The following ADAM18 variants were observed in gnomAD, a reference collection of about 807,000 sequenced individuals.
ADAM18 encodes the protein ADAM metallopeptidase domain 18, also known as disintegrin and metalloproteinase domain-containing protein 18.
In ADAM18, 117 loss-of-function variants were observed where a neutral mutation model predicts 94.4. The observed-to-expected ratio is 1.24, with a 90% CI of 1.07 to 1.45. The LOEUF (loss-of-function observed/expected upper bound fraction) is 1.45. ADAM18 is among the 40% of genes most tolerant of loss of function. The pLI, the probability that ADAM18 is intolerant of heterozygous loss-of-function variation, is 0.00. For synonymous variants in ADAM18, 327 were observed against 291.6 expected (o/e 1.12, Z -1.24); for missense variants, 936 against 880.0 (o/e 1.06, Z -0.81).
At chr8:39,690,083 G>T (rs112279518) in intron 16 of ADAM18, among the ~76,000 whole-genome samples, 4 of 152,190 alleles carry the variant, frequency 2.6e-5, no homozygotes, top group African/African-American at 7.2e-5. Flanking sequence ...TGCTGAAGTT[G>T]TTTATCAGCT....
chr8:39,673,449 T>C (rs1218612406), intron 14 of ADAM18, among the ~76,000 whole-genome samples: 1 of 152,150 alleles, frequency 6.6e-6, no homozygotes, highest in Non-Finnish European at 1.5e-5. Context: ...GTATTTCTCC[T>C]AATGCTATCC....
chr8:39,619,294 T>C lies in ADAM18; in HGVS notation c.522+8588T>C, dbSNP rs888815553. Among the ~76,000 whole-genome samples, 92 of 152,312 alleles carry C rather than the reference T, an allele frequency of 6.0e-4. 1 individual carries two copies. The highest frequency in any genetic ancestry group is 2.1e-3 in the African/African-American group (86 of 41,576). ...AAATCAACAAAGAAATACCACGTTT[T>C]AACTCTACTCAAGATAAAAGCGACC... On this transcript the variant is annotated intron_variant, in intron 6 of 19. Coordinates refer to ENST00000265707, the MANE Select transcript of ADAM18 (RefSeq NM_014237.3).
intron 2 of ADAM18, among the ~76,000 whole-genome samples, chr8:39,587,160 C>T (rs1371143274): frequency 2.0e-5 from 3 of 152,166 alleles, no homozygotes; most frequent in South Asian, 2.1e-4. Context: ...TGACCACAGT[C>T]GATGTACTAA....
Position 39,637,569 on chromosome 8 carries a change from G to A in ADAM18, c.693G>A (p.Leu231=). The part of the protein sequence containing the change: ...MFTQFKLTVI[L]SSLELWSNEN... ...CCCAGTTCAAATTGACTGTTATACT[G>A]TCTTCCTTGGAATTGTGGTCAAATG... is the stretch of plus-strand genomic sequence containing the variant. Residue 231 remains leucine, a synonymous_variant, in exon 9 of 20, where the codon CTG becomes CTA. Coordinates refer to ENST00000265707, the MANE Select transcript of ADAM18 (RefSeq NM_014237.3). 2 of 1,612,218 alleles carry A rather than the reference G, an allele frequency of 1.2e-6. No homozygotes were observed. The highest frequency in any genetic ancestry group is 1.7e-6 in the Non-Finnish European group (2 of 1,179,028).
intron 2 of ADAM18, among the ~76,000 whole-genome samples, chr8:39,602,541 T>C (rs1209521640): frequency 6.6e-6 from 1 of 152,182 alleles, no homozygotes; most frequent in Non-Finnish European, 1.5e-5. Flanking sequence ...CTTCTTGACC[T>C]TCAATCTCTT....
At chr8:39,637,143 TCTC>T (rs1193875534) in intron 7 of ADAM18, 118 bp from the exon 8 acceptor site, 7 of 607,258 alleles carry the variant, frequency 1.2e-5, no homozygotes, top group Non-Finnish European at 1.8e-5. Context: ...CTGCACACAT[TCTC>T]CTATGTACTT....
intron 6 of ADAM18, among the ~76,000 whole-genome samples, chr8:39,615,892 A>G (rs1162415491): frequency 1.3e-5 from 2 of 152,222 alleles, no homozygotes; most frequent in African/African-American, 4.8e-5. Context: ...AAAAAAAATA[A>G]GTAGCACTTG....
chr8:39,618,725 G>C (rs958837340), intron 6 of ADAM18, among the ~76,000 whole-genome samples: 4 of 152,096 alleles, frequency 2.6e-5, no homozygotes, highest in African/African-American at 9.7e-5. Flanking sequence ...ATGGACAGGT[G>C]CCCCCCATGT....
In ADAM18 at chr8:39,684,276, T is replaced by TTTTA. The variant is rs536278073; in HGVS notation, c.1821+4073_1821+4076dup. Among the ~76,000 whole-genome samples the TTTTA allele has an allele frequency of 3.0e-3, 451 of 152,098 alleles. 5 individuals carry two copies. The highest frequency in any genetic ancestry group is 9.8e-3 in the South Asian group (47 of 4,800). On this transcript the variant is annotated intron_variant, in intron 16 of 19. Coordinates refer to ENST00000265707, the MANE Select transcript of ADAM18 (RefSeq NM_014237.3). ...TAACTTCCAAAATTTTTTCCCAATC[T>TTTTA]TTTATTTATTTATTTATTTATTTAT...
intron 2 of ADAM18, among the ~76,000 whole-genome samples, chr8:39,591,421 T>C (rs1229196302): frequency 1.3e-5 from 2 of 152,214 alleles, no homozygotes; most frequent in Non-Finnish European, 2.9e-5. Context: ...TTTTGTAAAC[T>C]CTTTTTTTGT....
At chr8:39,664,593 A>G (rs534989356) in intron 13 of ADAM18, among the ~76,000 whole-genome samples, 2 of 152,320 alleles carry the variant, frequency 1.3e-5, no homozygotes, top group Non-Finnish European at 2.9e-5. Context: ...CAAATAAATT[A>G]TAAAGTCAAA....
intron 19 of ADAM18, among the ~76,000 whole-genome samples, chr8:39,726,843 TTTTA>T (rs1822928291): frequency 6.6e-6 from 1 of 152,246 alleles, no homozygotes; most frequent in East Asian, 1.9e-4. Flanking sequence ...CTCCCATAAA[TTTTA>T]TTTGACAACC....
intron 19 of ADAM18, among the ~76,000 whole-genome samples, chr8:39,725,102 T>G (rs1822865519): frequency 6.6e-6 from 1 of 152,070 alleles, no homozygotes; most frequent in African/African-American, 2.4e-5. Flanking sequence ...TCAAGGTGGT[T>G]GATGGTATCG....
intron 17 of ADAM18, among the ~76,000 whole-genome samples, chr8:39,705,872 A>T (rs1160883397): frequency 1.3e-5 from 2 of 152,156 alleles, no homozygotes; most frequent in Non-Finnish European, 2.9e-5. Context: ...CTTTATACAT[A>T]CAGGTATGAG....
chr8:39,585,297 A>G lies in ADAM18; in HGVS notation c.77A>G (p.His26Arg), dbSNP rs1563262721. ...AHEGSEGIFLHVTVPRKIKSN... is the reference protein window; with the variant it reads ...AHEGSEGIFLRVTVPRKIKSN... ...GCAGGTTCTGAAGGAATATTTCTGCATGTCACAGTTCCACGGAAGATTAAG... is the reference window on the plus strand; with the variant it reads ...GCAGGTTCTGAAGGAATATTTCTGCGTGTCACAGTTCCACGGAAGATTAAG... Residue 26 changes from histidine to arginine, a missense_variant, in exon 2 of 20, where the codon CAT (histidine) becomes CGT (arginine). Coordinates refer to ENST00000265707, the MANE Select transcript of ADAM18 (RefSeq NM_014237.3). 3 of 1,613,218 alleles carry G rather than the reference A, an allele frequency of 1.9e-6. No individual in the cohort carries two copies. The highest frequency in any genetic ancestry group is 2.5e-6 in the Non-Finnish European group (3 of 1,179,674).
chr8:39,637,057 ATATATATATG>A (rs1356857249), intron 7 of ADAM18, among the ~76,000 whole-genome samples, 197 bp from the exon 8 acceptor site: 2 of 141,860 alleles, frequency 1.4e-5, no homozygotes, highest in Non-Finnish European at 1.5e-5. Context: ...ATATATATAT[ATATATATATG>A]TATATACATA....
At chr8:39,710,791 AG>A (rs760559588) in intron 18 of ADAM18, among the ~76,000 whole-genome samples, 55 of 152,246 alleles carry the variant, frequency 3.6e-4, no homozygotes, top group Non-Finnish European at 5.6e-4. Context: ...TGATATAACA[AG>A]TATGTTTAGA....
At chr8:39,611,321 C>T in intron 6 of ADAM18, 1 of 604,566 alleles carries the variant, frequency 1.7e-6, no homozygotes, top group Non-Finnish European at 2.1e-6. Context: ...TATCATGTTT[C>T]TATGAATGGA....
intron 17 of ADAM18, among the ~76,000 whole-genome samples, chr8:39,696,034 C>A (rs1405034633): frequency 6.6e-6 from 1 of 151,328 alleles, no homozygotes; most frequent in East Asian, 1.9e-4. Context: ...ACAGGGGTTC[C>A]AATTTCTCTA....
Sources: allele counts gnomAD v4.1 joint callset (sites outside exome capture counted in the v4.1 genomes callset), GRCh38; gene constraint gnomAD v4.1.1; transcripts MANE v1.5; gene names NCBI Gene and HGNC (gene_info 2026-07-23, HGNC 2026-07-21).